Variants in FER observed in about 807,000 individuals in gnomAD.
FER encodes tyrosine-protein kinase Fer.
In FER, 63 loss-of-function variants were observed where a neutral mutation model predicts 111.0. The ratio of observed to expected loss-of-function variants is 0.57; its 90% CI spans 0.46 to 0.70. FER has a LOEUF of 0.70. FER is among the 30% of genes least tolerant of loss of function. The pLI is 0.00. For synonymous variants in FER, 327 were observed against 313.9 expected, an observed-to-expected ratio of 1.04 and a Z score of -0.44; for missense variants, 914 against 954.0, an observed-to-expected ratio of 0.96 and a Z score of 0.55.
intron 10 of FER, among the ~76,000 whole-genome samples, chr5:108,930,894 G>A (rs143507372): frequency 4.7e-4 from 72 of 151,980 alleles, no homozygotes; most frequent in East Asian, 1.6e-3. Context: ...GATCACACGC[G>A]TGAGCCAACG....
chr5:108,836,719 ATAT>A (rs1259135726), intron 5 of FER, among the ~76,000 whole-genome samples: 1 of 152,114 alleles, frequency 6.6e-6, no homozygotes, highest in East Asian at 1.9e-4. Context: ...CACAATGAAA[ATAT>A]TGTTGTTATT....
intron 3 of FER, among the ~76,000 whole-genome samples, chr5:108,825,250 G>A (rs1759331797): frequency 1.3e-5 from 2 of 152,128 alleles, no homozygotes; most frequent in Admixed American, 6.5e-5. Context: ...GAGCGCTATG[G>A]GAGACTGGAG....
intron 17 of FER, among the ~76,000 whole-genome samples, chr5:109,117,617 A>C (rs1750408290): frequency 6.6e-6 from 1 of 152,000 alleles, no homozygotes; most frequent in Non-Finnish European, 1.5e-5. Flanking sequence ...CATTTTCACG[A>C]TATTGATTCT....
At chr5:108,956,814 A>G (rs1223950823) in intron 12 of FER, among the ~76,000 whole-genome samples, 1 of 151,536 alleles carries the variant, frequency 6.6e-6, no homozygotes, top group Non-Finnish European at 1.5e-5. Flanking sequence ...TGAATCTTCC[A>G]TGAGCTAAAA....
intron 17 of FER, among the ~76,000 whole-genome samples, chr5:109,159,620 G>A (rs983264303): frequency 1.3e-5 from 2 of 152,148 alleles, no homozygotes; most frequent in African/African-American, 2.4e-5. Context: ...AGTACGGTCA[G>A]TACTAAAGGA....
chr5:109,068,180 C>CAT (rs1554130593), intron 16 of FER, among the ~76,000 whole-genome samples: 1 of 144,822 alleles, frequency 6.9e-6, no homozygotes, highest in Non-Finnish European at 1.5e-5. Flanking sequence ...TCAGTCATCT[C>CAT]TTTTTTTTTT....
In FER at chr5:108,954,758, GCCTTT is replaced by G; in HGVS notation, c.1360_1364del (p.Pro454GlyfsTer36). On this transcript the variant is annotated frameshift_variant, in exon 12 of 20. Transcript: ENST00000281092. LOFTEE classifies it high-confidence loss of function. ...CTGATATGATCTCCATCAGTGAGAA[GCCTTT>G]GGCAGAACAGGACTGGTACCATGGT... 1 of 1,606,842 alleles carries G rather than the reference GCCTTT, an allele frequency of 6.2e-7. No homozygotes were observed. The highest frequency in any genetic ancestry group is 8.5e-7 in the Non-Finnish European group (1 of 1,176,268).
At chr5:109,136,976 A>T (rs142701990) in intron 17 of FER, among the ~76,000 whole-genome samples, 113 of 152,296 alleles carry the variant, frequency 7.4e-4, no homozygotes, top group African/African-American at 2.5e-3. Flanking sequence ...GCCTTATCCT[A>T]ATGTAACATT....
intron 19 of FER, among the ~76,000 whole-genome samples, chr5:109,186,950 C>T (rs1338781111): frequency 6.6e-6 from 1 of 152,214 alleles, no homozygotes; most frequent in African/African-American, 2.4e-5. Context: ...TACACACTAC[C>T]CAATGCACTG....
chr5:108,965,878 A>G (rs1379762578), intron 13 of FER, among the ~76,000 whole-genome samples: 1 of 152,208 alleles, frequency 6.6e-6, no homozygotes, highest in Non-Finnish European at 1.5e-5. Context: ...ATTTGACTAT[A>G]TAGTCACTAC....
At chr5:108,758,527 T>C (rs915932983) in intron 1 of FER, among the ~76,000 whole-genome samples, 4 of 152,190 alleles carry the variant, frequency 2.6e-5, no homozygotes, top group Non-Finnish European at 5.9e-5. Context: ...GCCTTCTCCA[T>C]ATGGAGCTCT....
At chr5:109,153,587 AACT>A in intron 17 of FER, among the ~76,000 whole-genome samples, 1 of 151,926 alleles carries the variant, frequency 6.6e-6, no homozygotes, top group African/African-American at 2.4e-5. Flanking sequence ...TCTTAATACT[AACT>A]CTATCATTTA....
intron 2 of FER, among the ~76,000 whole-genome samples, chr5:108,793,511 T>TGGCGG (rs1755616989): frequency 1.1e-5 from 1 of 94,712 alleles, no homozygotes; most frequent in African/African-American, 4.7e-5. Context: ...ATTTTTTTTT[T>TGGCGG]GGCGGGGCGG....
chr5:108,840,343 A>G (rs1761130681), intron 5 of FER, among the ~76,000 whole-genome samples: 1 of 152,198 alleles, frequency 6.6e-6, no homozygotes, highest in African/African-American at 2.4e-5. Flanking sequence ...ATTGAAAATA[A>G]TGTCAAAAAC....
intron 16 of FER, among the ~76,000 whole-genome samples, chr5:109,052,828 C>T (rs1029020191): frequency 1.3e-5 from 2 of 152,152 alleles, no homozygotes; most frequent in African/African-American, 2.4e-5. Flanking sequence ...ATTCTGTCTA[C>T]CACAGTAGAT....
intron 5 of FER, among the ~76,000 whole-genome samples, chr5:108,853,390 TAAAA>T (rs1762712562): frequency 6.6e-6 from 1 of 152,096 alleles, no homozygotes; most frequent in Admixed American, 6.6e-5. Context: ...AGCTGATTCA[TAAAA>T]TAAATAAGTG....
intron 8 of FER, among the ~76,000 whole-genome samples, chr5:108,879,265 C>T (rs752663906): frequency 1.3e-5 from 2 of 151,846 alleles, no homozygotes; most frequent in Non-Finnish European, 2.9e-5. Context: ...ATTTAAGTTC[C>T]AGATACATGT....
At chr5:109,038,629 A>G (rs1414862475) in intron 14 of FER, among the ~76,000 whole-genome samples, 1 of 151,944 alleles carries the variant, frequency 6.6e-6, no homozygotes, top group Non-Finnish European at 1.5e-5. Flanking sequence ...GCAGTGACTC[A>G]TATGTTATTT....
intron 3 of FER, among the ~76,000 whole-genome samples, chr5:108,804,275 C>T (rs1156744842): frequency 1.3e-5 from 2 of 152,024 alleles, no homozygotes; most frequent in Non-Finnish European, 2.9e-5. Context: ...GCATGTCATC[C>T]ATTAAGAGAG....
Sources: gnomAD v4.1 joint callset for allele counts (sites outside exome capture counted in the v4.1 genomes callset) on GRCh38, gnomAD v4.1.1 for gene constraint, MANE v1.5 for transcripts, NCBI Gene and HGNC (gene_info 2026-07-23, HGNC 2026-07-21) for gene names.